Variants in PLSCR1 observed in about 807,000 individuals in gnomAD.
PLSCR1 encodes phospholipid scramblase 1, also known as PL scramblase 1.
Under a neutral mutation model 37.8 loss-of-function variants are expected in PLSCR1, and 17 were observed. That is an observed-to-expected ratio of 0.45 (90% confidence interval 0.31 to 0.68). The LOEUF is 0.68. Among genes scored for constraint, PLSCR1 ranks in the 30% least tolerant of loss-of-function variants. The probability of loss-of-function intolerance (pLI) is 0.06; values close to 1 mark genes in which losing one functional copy is unlikely to be tolerated. For missense variants in PLSCR1, 347 were observed against 380.9 expected, an observed-to-expected ratio of 0.91 and a Z score of 0.74; for synonymous variants, 116 against 125.9, an observed-to-expected ratio of 0.92 and a Z score of 0.53.
At chr3:146,528,334 T>C in intron 4 of PLSCR1, 1 of 426,444 alleles carries the variant, frequency 2.3e-6, no homozygotes, top group Non-Finnish European at 4.3e-6. Flanking sequence ...AGTTAATACA[T>C]GTATCAGGCA....
intron 3 of PLSCR1, among the ~76,000 whole-genome samples, chr3:146,531,166 T>C (rs2044192961): frequency 6.6e-6 from 1 of 152,156 alleles, no homozygotes; most frequent in Non-Finnish European, 1.5e-5. Flanking sequence ...ATCTGAAGGA[T>C]GCACAGGAGT....
chr3:146,528,109 A>G (rs1339429317), intron 4 of PLSCR1: 1 of 152,518 alleles, frequency 6.6e-6, no homozygotes, highest in Non-Finnish European at 1.5e-5. Context: ...TCAACAATAA[A>G]CTTTATTTAA....
chr3:146,526,140 G>A (rs149688192), intron 4 of PLSCR1, among the ~76,000 whole-genome samples: 3,850 of 126,834 alleles, frequency 0.03, 75 homozygotes, highest in Middle Eastern at 0.15. Context: ...CCGAGATCGC[G>A]CTACTGCACT....
At chr3:146,535,902 T>C (rs1308090293) in intron 2 of PLSCR1, among the ~76,000 whole-genome samples, 1 of 152,126 alleles carries the variant, frequency 6.6e-6, no homozygotes, top group African/African-American at 2.4e-5. Context: ...AAAGAGAGAA[T>C]AAAGAAAAGC....
chr3:146,543,019 A>G (rs556206425), intron 1 of PLSCR1, among the ~76,000 whole-genome samples: 2 of 152,270 alleles, frequency 1.3e-5, no homozygotes, highest in South Asian at 4.1e-4. Flanking sequence ...GGTTTAAGAA[A>G]AGTCAGACTA....
intron 7 of PLSCR1, among the ~76,000 whole-genome samples, chr3:146,518,018 A>G (rs2043970180): frequency 6.6e-6 from 1 of 152,228 alleles, no homozygotes; most frequent in Non-Finnish European, 1.5e-5. Flanking sequence ...ATTTTATTTG[A>G]GTACAAGTGG....
At chr3:146,521,805 C>T (rs1229662740) in intron 6 of PLSCR1, 28 bp downstream of exon 6, 1 of 1,589,870 alleles carries the variant, frequency 6.3e-7, no homozygotes, top group Non-Finnish European at 8.6e-7. Context: ...AACTATTTTA[C>T]AAAGTGCCCT....
intron 2 of PLSCR1, among the ~76,000 whole-genome samples, chr3:146,535,504 AC>A (rs1411726552): frequency 6.6e-6 from 1 of 152,278 alleles, no homozygotes; most frequent in East Asian, 1.9e-4. Context: ...TCTTAAAGGT[AC>A]TTTTTTTTAT....
At chr3:146,526,085 A>G (rs1329486177) in intron 4 of PLSCR1, among the ~76,000 whole-genome samples, 1 of 147,520 alleles carries the variant, frequency 6.8e-6, no homozygotes, top group Non-Finnish European at 1.5e-5. Flanking sequence ...TGGGAGGCTC[A>G]GGCAGGAGAA....
At chr3:146,524,574 G>A (rs1397055223) in intron 5 of PLSCR1, among the ~76,000 whole-genome samples, 3 of 151,768 alleles carry the variant, frequency 2.0e-5, no homozygotes, top group Non-Finnish European at 4.4e-5. Context: ...AAGATAAATA[G>A]TGTGCTGTGT....
intron 3 of PLSCR1, among the ~76,000 whole-genome samples, chr3:146,533,047 A>G (rs181049006): frequency 1.3e-5 from 2 of 152,324 alleles, no homozygotes; most frequent in Admixed American, 6.5e-5. Flanking sequence ...CACTGAACAC[A>G]TGCCAAGCTA....
intron 4 of PLSCR1, 33 bp downstream of exon 4, chr3:146,528,581 T>C: frequency 6.5e-7 from 1 of 1,545,654 alleles, no homozygotes. Flanking sequence ...CACAGTTCTG[T>C]TTTTTATGAG....
At chr3:146,530,788 A>G (rs2044186520) in intron 3 of PLSCR1, among the ~76,000 whole-genome samples, 1 of 152,178 alleles carries the variant, frequency 6.6e-6, no homozygotes, top group African/African-American at 2.4e-5. Flanking sequence ...CTTAGTAAGG[A>G]GTCTGGATTT....
In PLSCR1 at chr3:146,532,127, T is replaced by C. The variant is rs151243638; in HGVS notation, c.94+1343A>G. On this transcript the variant is annotated intron_variant, in intron 3 of 8. Transcript: ENST00000342435. ...GTAATCTTGGACTTGAGAAACAAAATCAAGCTGTAGAGCCATATATATCTA... is the reference window on the plus strand; with the variant it reads ...GTAATCTTGGACTTGAGAAACAAAACCAAGCTGTAGAGCCATATATATCTA... Among the ~76,000 whole-genome samples, 329 of 152,222 alleles carry C rather than the reference T, an allele frequency of 2.2e-3. 1 individual carries two copies. The highest frequency in any genetic ancestry group is 7.7e-3 in the African/African-American group (318 of 41,554).
intron 1 of PLSCR1, among the ~76,000 whole-genome samples, chr3:146,537,334 G>A (rs796635899): frequency 8.5e-5 from 13 of 152,110 alleles, no homozygotes; most frequent in African/African-American, 2.7e-4. Flanking sequence ...TGTAGATCCC[G>A]ATGCCCTTCA....
rs569458378 is a variant in PLSCR1 at position 146,517,286 on chromosome 3, A to G, written c.739-119T>C. On this transcript the variant is annotated intron_variant, in intron 7 of 8. Transcript: ENST00000342435. ...AAATTATGCACCATATGTAACCCTC[A>G]TTAGATAACTGGAGGCTCCTGTATC... 586 of 477,734 alleles carry G rather than the reference A, an allele frequency of 1.2e-3. 2 individuals are homozygous for G. The highest frequency in any genetic ancestry group is 1.5e-3 in the Non-Finnish European group (411 of 276,294). The allele number at this position is 477,734 out of a possible 1,614,324, so 29.6% of individuals were successfully genotyped here.
rs747622828 is a variant in PLSCR1, at chr3:146,528,662, C to T, written c.264G>A (p.Ala88=). The change falls in exon 4 of 9, where the codon GCG becomes GCA. Residue 88 remains alanine, a synonymous_variant. Transcript: ENST00000342435. ...VGAAGVPWMP[A]PQPPLNCPPG... Reference sequence around the variant, plus strand: ...GTGGACAGTTTAATGGAGGCTGTGGCGCTGGCATCCATGGTACCCCTGCAG... The same window carrying T: ...GTGGACAGTTTAATGGAGGCTGTGGTGCTGGCATCCATGGTACCCCTGCAG... 3.3e-5 allele frequency: 54 copies of T among 1,613,930 alleles called. No individual in the cohort carries two copies. Among genetic ancestry groups the T allele is most frequent in the Admixed American group, 8.3e-5 (5 of 59,990 alleles).
At chr3:146,537,807 G>C (rs2738921) in intron 1 of PLSCR1, among the ~76,000 whole-genome samples, 72,887 of 151,910 alleles carry the variant, frequency 0.48, 17,897 homozygotes, top group African/African-American at 0.56. Flanking sequence ...AATATTGACG[G>C]TCTAATGAAG....
Position 146,515,301 on chromosome 3 carries a change from A to G in PLSCR1, c.*744T>C, listed in dbSNP as rs1220053362. 1 of 152,192 alleles carries G rather than the reference A, an allele frequency of 6.6e-6. No individual in the cohort carries two copies. Among genetic ancestry groups the G allele is most frequent in the African/African-American group, 2.4e-5 (1 of 41,452 alleles). 9.4% of individuals were successfully genotyped at this position (152,192 alleles called of 1,614,324 possible). A position where few individuals can be genotyped will look rare whatever the true frequency, so the allele number is the denominator to read the frequency against. On this transcript the variant is annotated 3_prime_UTR_variant, in exon 9 of 9. Transcript: ENST00000342435. ...TAATATCTGAGTAATCTCAATTACC[A>G]TTTTCTAGGAAGGATAGAGTGTAAG...
Sources: allele counts gnomAD v4.1 joint callset (sites outside exome capture counted in the v4.1 genomes callset), GRCh38; gene constraint gnomAD v4.1.1; transcripts MANE v1.5; gene names NCBI Gene and HGNC (gene_info 2026-07-23, HGNC 2026-07-21).